The following NCOA1 variants were observed in gnomAD, a reference collection of about 807,000 sequenced individuals.
NCOA1 encodes Hin-2 protein.
In NCOA1, 35 loss-of-function variants were observed where a neutral mutation model predicts 150.9. That is an observed-to-expected ratio of 0.23 (90% CI 0.18 to 0.31). The LOEUF is 0.31. Among genes scored for constraint, NCOA1 ranks in the 10% least tolerant of loss-of-function variants. NCOA1 has a pLI of 1.00. For missense variants in NCOA1, 1,491 were observed against 1,749.3 expected, an observed-to-expected ratio of 0.85 and a Z score of 2.63; for synonymous variants, 590 against 630.0, an observed-to-expected ratio of 0.94 and a Z score of 0.95.
intron 3 of NCOA1, among the ~76,000 whole-genome samples, chr2:24,629,173 A>G (rs1212923004): frequency 6.6e-6 from 1 of 152,156 alleles, no homozygotes; most frequent in Non-Finnish European, 1.5e-5. Context: ...GGCCCTTAGA[A>G]TAGAGCATTA....
Position 24,768,617 on chromosome 2 carries a change from A to C in NCOA1, c.*226A>C, listed in dbSNP as rs1393429388. ...TAAAGGCCTTGGATATTGAAAAAATACCAAGGCAGAACAGTTGGACAATCT... is the reference window on the plus strand; with the variant it reads ...TAAAGGCCTTGGATATTGAAAAAATCCCAAGGCAGAACAGTTGGACAATCT... On this transcript the variant is annotated 3_prime_UTR_variant, in exon 23 of 23. Coordinates refer to ENST00000348332, the MANE Select transcript of NCOA1 (RefSeq NM_003743.5). 1 of 334,328 alleles carries C rather than the reference A, an allele frequency of 3.0e-6. No individual in the cohort carries two copies. Among genetic ancestry groups the C allele is most frequent in the East Asian group, 4.6e-5 (1 of 21,884 alleles). The allele number at this position is 334,328 out of a possible 1,614,324, so 20.7% of individuals were successfully genotyped here.
chr2:24,679,019 G>A (rs1294652324), intron 7 of NCOA1, among the ~76,000 whole-genome samples: 1 of 152,160 alleles, frequency 6.6e-6, no homozygotes, highest in African/African-American at 2.4e-5. Flanking sequence ...TTTGGGTGAT[G>A]TCTTTTATTC....
intron 4 of NCOA1, among the ~76,000 whole-genome samples, chr2:24,657,057 A>C (rs1347830365): frequency 6.6e-6 from 1 of 152,284 alleles, no homozygotes; most frequent in East Asian, 1.9e-4. Flanking sequence ...CTCTTTTCCA[A>C]ATGGCTACGC....
chr2:24,650,121 G>A (rs1217512416), intron 4 of NCOA1, among the ~76,000 whole-genome samples: 5 of 152,076 alleles, frequency 3.3e-5, no homozygotes, highest in African/African-American at 9.7e-5. Context: ...GGTTAAGAAC[G>A]TTGGCAGTGA....
At chr2:24,497,341 C>G (rs953327891) in intron 1 of NCOA1, among the ~76,000 whole-genome samples, 1 of 151,926 alleles carries the variant, frequency 6.6e-6, no homozygotes, top group Non-Finnish European at 1.5e-5. Context: ...TTCTGATGAC[C>G]CGGGAGCCAT....
At chr2:24,625,364 C>CAAAAAA (rs35143423) in intron 3 of NCOA1, among the ~76,000 whole-genome samples, 1 of 82,182 alleles carries the variant, frequency 1.2e-5, no homozygotes, top group African/African-American at 4.5e-5. Context: ...GACTCTGCCT[C>CAAAAAA]AAAAAAAAAA....
chr2:24,492,978 A>G (rs1369777651), intron 1 of NCOA1, among the ~76,000 whole-genome samples: 3 of 152,010 alleles, frequency 2.0e-5, no homozygotes, highest in South Asian at 4.1e-4. Flanking sequence ...AAAAAAAGCA[A>G]ACAAAACAAC....
chr2:24,553,510 GC>G (rs1665951296), intron 1 of NCOA1, among the ~76,000 whole-genome samples: 1 of 152,130 alleles, frequency 6.6e-6, no homozygotes, highest in African/African-American at 2.4e-5. Flanking sequence ...GAGCCACTTT[GC>G]CCAGCACAAA....
intron 4 of NCOA1, among the ~76,000 whole-genome samples, chr2:24,649,842 G>A (rs924071259): frequency 1.2e-4 from 19 of 152,080 alleles, no homozygotes; most frequent in Admixed American, 4.6e-4. Flanking sequence ...TAAGCTTTTA[G>A]TGGTAAACAC....
At chr2:24,666,382 C>T (rs1319446407) in intron 6 of NCOA1, among the ~76,000 whole-genome samples, 1 of 152,036 alleles carries the variant, frequency 6.6e-6, no homozygotes, top group African/African-American at 2.4e-5. Flanking sequence ...TGTTAAGATG[C>T]TGTTTATTTT....
intron 3 of NCOA1, among the ~76,000 whole-genome samples, chr2:24,619,497 A>G (rs1436443274): frequency 6.6e-6 from 1 of 152,204 alleles, no homozygotes; most frequent in African/African-American, 2.4e-5. Flanking sequence ...GCAGCTTACC[A>G]AACATTGGGA....
At chr2:24,642,041 C>CGCGCGT (rs1670252059) in intron 3 of NCOA1, among the ~76,000 whole-genome samples, 1 of 87,484 alleles carries the variant, frequency 1.1e-5, no homozygotes, top group Non-Finnish European at 2.6e-5. Context: ...TGTGTGTGCG[C>CGCGCGT]GCGTGCGTAT....
chr2:24,600,347 A>T (rs182325460), intron 3 of NCOA1, among the ~76,000 whole-genome samples: 352 of 152,250 alleles, frequency 2.3e-3, no homozygotes, highest in Non-Finnish European at 3.8e-3. Flanking sequence ...CTGAGACTAC[A>T]GGCATGTGCC....
chr2:24,516,034 G>A (rs1322515913), intron 1 of NCOA1, among the ~76,000 whole-genome samples: 1 of 152,100 alleles, frequency 6.6e-6, no homozygotes, highest in East Asian at 1.9e-4. Context: ...TCAGTCAGCA[G>A]GCAGTCACTC....
At chr2:24,491,918 G>A (rs934833028) in intron 1 of NCOA1, 2 of 151,792 alleles carry the variant, frequency 1.3e-5, no homozygotes, top group Non-Finnish European at 2.9e-5. Flanking sequence ...ATCCGCGGAG[G>A]GGGTGCGAGC....
chr2:24,601,124 G>T (rs1391554614), intron 3 of NCOA1, among the ~76,000 whole-genome samples: 1 of 151,620 alleles, frequency 6.6e-6, no homozygotes, highest in Non-Finnish European at 1.5e-5. Flanking sequence ...TTTTTTAAAT[G>T]CTGTTCATTT....
chr2:24,614,196 A>ATTTTTTTTTTTTT (rs1558840251), intron 3 of NCOA1, among the ~76,000 whole-genome samples: 1 of 13,158 alleles, frequency 7.6e-5, no homozygotes, highest in Non-Finnish European at 1.8e-4. Context: ...ATTCATTTCC[A>ATTTTTTTTTTTTT]TTCTTTTTTT....
chr2:24,652,339 A>G (rs1454481309), intron 4 of NCOA1, among the ~76,000 whole-genome samples: 2 of 152,002 alleles, frequency 1.3e-5, no homozygotes, highest in Admixed American at 6.6e-5. Context: ...TTTGAGAAAC[A>G]TTTTTTTGGA....
chr2:24,727,467 C>T (rs768852261), intron 15 of NCOA1, among the ~76,000 whole-genome samples: 16 of 152,250 alleles, frequency 1.1e-4, no homozygotes, highest in Non-Finnish European at 2.1e-4. Flanking sequence ...CTCAGTGTCA[C>T]ATCTTGATTA....
Sources: gnomAD v4.1 joint callset for allele counts (sites outside exome capture counted in the v4.1 genomes callset) on GRCh38, gnomAD v4.1.1 for gene constraint, MANE v1.5 for transcripts, NCBI Gene and HGNC (gene_info 2026-07-23, HGNC 2026-07-21) for gene names.